PTPRM: variants seen among roughly 807,000 people sequenced by gnomAD.
PTPRM encodes the protein receptor-type tyrosine-protein phosphatase mu.
In PTPRM, 47 loss-of-function variants were observed where a neutral mutation model predicts 186.7. That is an observed-to-expected ratio of 0.25 (90% confidence interval 0.20 to 0.32). The LOEUF (loss-of-function observed/expected upper bound fraction) is 0.32. Ranked by LOEUF, PTPRM falls within the 10% of genes least tolerant of loss-of-function variation. The probability of loss-of-function intolerance (pLI) is 1.00; values close to 1 mark genes in which losing one functional copy is unlikely to be tolerated. For synonymous variants in PTPRM, 668 were observed against 674.9 expected (o/e 0.99, Z 0.16); for missense variants, 1,494 against 1,865.0 (o/e 0.80, Z 3.66).
At chr18:7,979,079 T>G (rs1215299256) in intron 7 of PTPRM, among the ~76,000 whole-genome samples, 3 of 152,252 alleles carry the variant, frequency 2.0e-5, no homozygotes, top group African/African-American at 7.2e-5. Flanking sequence ...ATATTGAAGC[T>G]ATAGCTGTTG....
rs1236853875 is a variant in PTPRM at position 8,252,355 on chromosome 18, C to G, written c.2555-133C>G. ...TTGAGGCTTCGCCCTCTGACCACCT[C>G]TGAATAGAAAACTTAACTGGAAAGT... On this transcript the variant is annotated intron_variant, in intron 17 of 32. Coordinates refer to ENST00000580170, the MANE Select transcript of PTPRM (RefSeq NM_001105244.2). 14 of 788,858 alleles carry G rather than the reference C, an allele frequency of 1.8e-5. 1 individual carries two copies. The highest frequency in any genetic ancestry group is 1.7e-4 in the South Asian group (11 of 65,616). The allele number at this position is 788,858 out of a possible 1,614,324, so 48.9% of individuals were successfully genotyped here. A position where few individuals can be genotyped will look rare whatever the true frequency, so the allele number is the denominator to read the frequency against.
chr18:8,027,778 A>G (rs1187723965), intron 7 of PTPRM, among the ~76,000 whole-genome samples: 1 of 152,214 alleles, frequency 6.6e-6, no homozygotes, highest in Non-Finnish European at 1.5e-5. Context: ...AAAACGATTG[A>G]CTAGATACAA....
At chr18:7,738,506 G>A (rs1387546027) in intron 1 of PTPRM, among the ~76,000 whole-genome samples, 2 of 152,020 alleles carry the variant, frequency 1.3e-5, no homozygotes, top group African/African-American at 2.4e-5. Context: ...CACGATCTCA[G>A]CTCACTGCAA....
chr18:7,792,244 T>C (rs2043376457), intron 2 of PTPRM, among the ~76,000 whole-genome samples: 1 of 152,212 alleles, frequency 6.6e-6, no homozygotes, highest in Admixed American at 6.5e-5. Flanking sequence ...ATCATAATTT[T>C]TGTAGATTAT....
intron 2 of PTPRM, among the ~76,000 whole-genome samples, chr18:7,785,478 A>G (rs1047764286): frequency 6.6e-6 from 1 of 152,118 alleles, no homozygotes; most frequent in African/African-American, 2.4e-5. Flanking sequence ...CAGATATGGT[A>G]AGATGTTAAC....
At chr18:7,989,114 T>C (rs971044264) in intron 7 of PTPRM, among the ~76,000 whole-genome samples, 6 of 152,202 alleles carry the variant, frequency 3.9e-5, no homozygotes, top group Admixed American at 6.5e-5. Flanking sequence ...TCACTCTATA[T>C]TTGTTTTTGT....
chr18:8,037,547 T>C (rs900547940), intron 7 of PTPRM, among the ~76,000 whole-genome samples: 1 of 152,204 alleles, frequency 6.6e-6, no homozygotes, highest in Admixed American at 6.5e-5. Flanking sequence ...ACTAAATTGC[T>C]CATTTTGAGA....
At chr18:8,183,345 T>A (rs959475343) in intron 14 of PTPRM, among the ~76,000 whole-genome samples, 4 of 152,202 alleles carry the variant, frequency 2.6e-5, no homozygotes, top group African/African-American at 9.7e-5. Flanking sequence ...GACTTTCTTA[T>A]CAGAATCACC....
At chr18:7,911,758 T>G (rs535372361) in intron 4 of PTPRM, among the ~76,000 whole-genome samples, 1 of 112,042 alleles carries the variant, frequency 8.9e-6, no homozygotes, top group East Asian at 3.3e-4. Context: ...TTTCATCACT[T>G]AGATACAAAA....
chr18:7,598,517 G>A (rs2037320631), intron 1 of PTPRM, among the ~76,000 whole-genome samples: 1 of 152,156 alleles, frequency 6.6e-6, no homozygotes, highest in Non-Finnish European at 1.5e-5. Flanking sequence ...ACAGAAATTA[G>A]GTACTCAGAA....
intron 1 of PTPRM, among the ~76,000 whole-genome samples, chr18:7,644,278 A>G (rs532932431): frequency 6.6e-6 from 1 of 152,160 alleles, no homozygotes; most frequent in Non-Finnish European, 1.5e-5. Context: ...TTAAAGAGAA[A>G]GATGCTCGTA....
At chr18:8,269,787 G>T (rs1484875331) in intron 19 of PTPRM, among the ~76,000 whole-genome samples, 1 of 151,980 alleles carries the variant, frequency 6.6e-6, no homozygotes, top group Non-Finnish European at 1.5e-5. Context: ...GATGGGGAAA[G>T]GATAATCTCT....
intron 13 of PTPRM, among the ~76,000 whole-genome samples, chr18:8,138,835 C>T (rs1053134310): frequency 6.6e-6 from 1 of 152,120 alleles, no homozygotes; most frequent in African/African-American, 2.4e-5. Context: ...GCTGTCATTT[C>T]TCCCATCTTA....
intron 19 of PTPRM, among the ~76,000 whole-genome samples, chr18:8,274,296 AT>A (rs1027747062): frequency 1.6e-4 from 25 of 152,246 alleles, no homozygotes; most frequent in Admixed American, 1.6e-3. Context: ...AATTTGATCT[AT>A]TTTTCACTAA....
At chr18:8,023,637 AGAG>A (rs1368073229) in intron 7 of PTPRM, among the ~76,000 whole-genome samples, 1 of 152,180 alleles carries the variant, frequency 6.6e-6, no homozygotes, top group Non-Finnish European at 1.5e-5. Flanking sequence ...AAGTAATGTG[AGAG>A]GAGTCTTAAA....
At chr18:7,796,152 T>C (rs2043633148) in intron 2 of PTPRM, among the ~76,000 whole-genome samples, 1 of 151,586 alleles carries the variant, frequency 6.6e-6, no homozygotes, top group Non-Finnish European at 1.5e-5. Flanking sequence ...ATAACAAAGA[T>C]GGTAGATTTA....
At chr18:8,249,875 G>A (rs2094511427) in intron 17 of PTPRM, among the ~76,000 whole-genome samples, 1 of 152,152 alleles carries the variant, frequency 6.6e-6, no homozygotes, top group Non-Finnish European at 1.5e-5. Flanking sequence ...ACCAATAACT[G>A]TTATCATGTA....
chr18:7,912,153 A>G (rs77903471), intron 4 of PTPRM, among the ~76,000 whole-genome samples: 5,152 of 152,142 alleles, frequency 0.034, 285 homozygotes, highest in African/African-American at 0.11. Context: ...TGCCCGTCCT[A>G]TAGTTTCAAT....
intron 2 of PTPRM, among the ~76,000 whole-genome samples, chr18:7,820,314 G>A (rs939707450): frequency 6.6e-6 from 1 of 152,150 alleles, no homozygotes; most frequent in African/African-American, 2.4e-5. Context: ...GGCCTGCTCT[G>A]CTCAGAGGGT....
Sources: gnomAD v4.1 joint callset for allele counts (sites outside exome capture counted in the v4.1 genomes callset) on GRCh38, gnomAD v4.1.1 for gene constraint, MANE v1.5 for transcripts, NCBI Gene and HGNC (gene_info 2026-07-23, HGNC 2026-07-21) for gene names.